Variants in SHANK2 observed in about 807,000 individuals in gnomAD.
SHANK2 encodes SH3 and multiple ankyrin repeat domains 2, also known as SH3 and multiple ankyrin repeat domains protein 2.
Under a neutral mutation model 133.7 loss-of-function variants are expected in SHANK2, and 43 were observed. The ratio of observed to expected loss-of-function variants is 0.32; its 90% CI spans 0.25 to 0.41. The LOEUF is 0.41. SHANK2 is among the 10% of genes least tolerant of loss of function. The probability of loss-of-function intolerance (pLI) is 1.00; values close to 1 mark genes in which losing one functional copy is unlikely to be tolerated. For synonymous variants in SHANK2, 1,017 were observed against 952.8 expected, an observed-to-expected ratio of 1.07 and a Z score of -1.24; for missense variants, 1,994 against 2,235.8, an observed-to-expected ratio of 0.89 and a Z score of 2.18.
At chr11:71,173,945 G>GC (rs1555112675) in intron 2 of SHANK2, among the ~76,000 whole-genome samples, 1 of 152,212 alleles carries the variant, frequency 6.6e-6, no homozygotes, top group East Asian at 1.9e-4. Flanking sequence ...CCCTGCCGAT[G>GC]CCTTGATTTC....
At chr11:70,818,411 C>T (rs547798855) in intron 12 of SHANK2, among the ~76,000 whole-genome samples, 13 of 152,302 alleles carry the variant, frequency 8.5e-5, no homozygotes, top group South Asian at 8.3e-4. Flanking sequence ...GCAATACACC[C>T]GGCTGCTTCT....
At chr11:70,775,065 G>A (rs183703549) in intron 14 of SHANK2, among the ~76,000 whole-genome samples, 23 of 152,118 alleles carry the variant, frequency 1.5e-4, no homozygotes, top group East Asian at 1.9e-4. Flanking sequence ...AGGCTGAAGC[G>A]AAAGGATCAC....
In SHANK2 at chr11:70,775,528, G is replaced by A. The variant is rs116607417; in HGVS notation, c.1777+22915C>T. 2.2e-3 allele frequency among the ~76,000 whole-genome samples: 335 copies of A among 152,202 alleles called. 1 individual carries two copies. The highest frequency in any genetic ancestry group is 7.8e-3 in the African/African-American group (322 of 41,526). On this transcript the variant is annotated intron_variant, in intron 14 of 25. Coordinates refer to ENST00000601538, the MANE Select transcript of SHANK2 (RefSeq NM_012309.5). ...CCACTTTGAGGTATCTGGAGGTTGCGTCTGCTGAAGGTGAGTGTTGACTCT... is the reference window on the plus strand; with the variant it reads ...CCACTTTGAGGTATCTGGAGGTTGCATCTGCTGAAGGTGAGTGTTGACTCT...
At chr11:70,861,021 G>A (rs1252113530) in intron 11 of SHANK2, among the ~76,000 whole-genome samples, 1 of 152,224 alleles carries the variant, frequency 6.6e-6, no homozygotes, top group Non-Finnish European at 1.5e-5. Flanking sequence ...GGGCACACGG[G>A]GAGCAGCGCT....
Position 70,797,262 on chromosome 11 carries a change from G to A in SHANK2, c.1777+1181C>T, listed in dbSNP as rs189299498. On this transcript the variant is annotated intron_variant, in intron 14 of 25. Coordinates refer to ENST00000601538, the MANE Select transcript of SHANK2 (RefSeq NM_012309.5). ...CAGCTTTGTTGGTAACATTGTCATC[G>A]CCACATCCAGAAAAACACACTCCCT... 4.0e-3 allele frequency among the ~76,000 whole-genome samples: 605 copies of A among 152,234 alleles called. 2 individuals are homozygous for A. The highest frequency in any genetic ancestry group is 0.014 in the African/African-American group (573 of 41,536).
At chr11:71,172,691 T>C (rs1323151844) in intron 2 of SHANK2, among the ~76,000 whole-genome samples, 2 of 151,708 alleles carry the variant, frequency 1.3e-5, no homozygotes, top group Admixed American at 6.6e-5. Context: ...TGGGAAATGA[T>C]CCTGAGAGGG....
intron 14 of SHANK2, among the ~76,000 whole-genome samples, chr11:70,727,504 G>T (rs1555030973): frequency 6.6e-6 from 1 of 152,188 alleles, no homozygotes; most frequent in African/African-American, 2.4e-5. Flanking sequence ...CCATGGTAGA[G>T]CAGGGGTATC....
intron 14 of SHANK2, among the ~76,000 whole-genome samples, chr11:70,733,410 C>T (rs12289782): frequency 0.097 from 14,808 of 152,268 alleles, 921 homozygotes; most frequent in South Asian, 0.28. Context: ...CAGTGATCAT[C>T]GCCATTTTAG....
intron 12 of SHANK2, among the ~76,000 whole-genome samples, chr11:70,818,026 C>T (rs1232474378): frequency 1.3e-5 from 2 of 152,220 alleles, no homozygotes; most frequent in African/African-American, 4.8e-5. Context: ...TGAGCTACCG[C>T]ACCTGGTCCC....
intron 14 of SHANK2, among the ~76,000 whole-genome samples, chr11:70,726,589 A>G (rs1946186178): frequency 6.6e-6 from 1 of 152,114 alleles, no homozygotes; most frequent in African/African-American, 2.4e-5. Context: ...GAGATCAAAG[A>G]TTTTCAGAGA....
chr11:70,682,694 G>A (rs1945053823), intron 15 of SHANK2, among the ~76,000 whole-genome samples: 1 of 152,170 alleles, frequency 6.6e-6, no homozygotes. Context: ...GAAGTTTCCG[G>A]TTTGCCCAAG....
intron 12 of SHANK2, among the ~76,000 whole-genome samples, chr11:70,817,323 C>A (rs1555054611): frequency 6.6e-6 from 1 of 152,156 alleles, no homozygotes; most frequent in African/African-American, 2.4e-5. Flanking sequence ...GCTATTGCTA[C>A]CATTGAGGAT....
chr11:70,571,745 G>A (rs1206504419), intron 17 of SHANK2, among the ~76,000 whole-genome samples: 2 of 152,094 alleles, frequency 1.3e-5, no homozygotes, highest in Non-Finnish European at 2.9e-5. Context: ...AAGGAGGGTG[G>A]TGCGTGCAGG....
intron 16 of SHANK2, among the ~76,000 whole-genome samples, chr11:70,660,238 T>TACCA (rs1459167042): frequency 8.5e-5 from 13 of 152,224 alleles, no homozygotes; most frequent in Admixed American, 8.5e-4. Flanking sequence ...TACACGCCTG[T>TACCA]CATTTTCTTT....
chr11:70,554,200 C>T (rs1554978943), intron 17 of SHANK2, among the ~76,000 whole-genome samples: 1 of 152,216 alleles, frequency 6.6e-6, no homozygotes, highest in African/African-American at 2.4e-5. Context: ...AAATCACAGG[C>T]ACCTCCTTGA....
At chr11:71,086,073 ATT>A (rs1951402110) in intron 8 of SHANK2, among the ~76,000 whole-genome samples, 2 of 51,632 alleles carry the variant, frequency 3.9e-5, no homozygotes, top group African/African-American at 1.5e-4. Context: ...TATATAATAT[ATT>A]ATGTTATATA....
chr11:70,907,582 C>T (rs1950125301), intron 10 of SHANK2: 1 of 160,692 alleles, frequency 6.2e-6, no homozygotes. Flanking sequence ...TAAAATAGCG[C>T]CATTCAGTAT....
intron 17 of SHANK2, among the ~76,000 whole-genome samples, chr11:70,532,573 C>T (rs1554973436): frequency 6.6e-6 from 1 of 152,078 alleles, no homozygotes; most frequent in Non-Finnish European, 1.5e-5. Flanking sequence ...AGGCCCAGAG[C>T]CCCTCTTCCA....
At chr11:70,708,019 G>A (rs1235231862) in intron 14 of SHANK2, among the ~76,000 whole-genome samples, 3 of 152,330 alleles carry the variant, frequency 2.0e-5, no homozygotes, top group African/African-American at 4.8e-5. Flanking sequence ...CAGCTGGGGC[G>A]ACAAGGCTGT....
Sources: gnomAD v4.1 joint callset for allele counts (sites outside exome capture counted in the v4.1 genomes callset) on GRCh38, gnomAD v4.1.1 for gene constraint, MANE v1.5 for transcripts, NCBI Gene and HGNC (gene_info 2026-07-23, HGNC 2026-07-21) for gene names.